Variants in RICTOR observed in about 807,000 individuals in gnomAD.
The protein encoded by RICTOR is RPTOR independent companion of MTOR complex 2.
A neutral mutation model predicts 214.9 loss-of-function variants in RICTOR; 49 were observed. The ratio of observed to expected loss-of-function variants is 0.23; its 90% CI spans 0.18 to 0.29. The LOEUF (loss-of-function observed/expected upper bound fraction) is 0.29, where lower values mean the gene tolerates loss of function less well. Ranked by LOEUF, RICTOR falls within the 10% of genes least tolerant of loss-of-function variation. The pLI, the probability that RICTOR is intolerant of heterozygous loss-of-function variation, is 1.00. For synonymous variants in RICTOR, 717 were observed against 711.3 expected (o/e 1.01, Z -0.13); for missense variants, 1,625 against 2,047.0 (o/e 0.79, Z 3.98).
At chr5:39,034,140 C>G (rs937949717) in intron 2 of RICTOR, among the ~76,000 whole-genome samples, 2 of 152,216 alleles carry the variant, frequency 1.3e-5, no homozygotes, top group Admixed American at 6.5e-5. Flanking sequence ...TACCAGGCCA[C>G]TTCTGCGATT....
Position 38,953,538 on chromosome 5 carries a change from GT to G in RICTOR, c.2712del (p.Glu904AspfsTer20). On this transcript the variant is annotated frameshift_variant, in exon 28 of 38. Coordinates refer to ENST00000357387, the MANE Select transcript of RICTOR (RefSeq NM_152756.5). LOFTEE classifies it high-confidence loss of function. The stretch of plus-strand genomic sequence containing the variant: ...TCTGGTGTACGAACATTACGACAGA[GT>G]TCTGTAATAATATTCTGGAGAAAGA... ...HLLEVQNIITELCRNVRTPDL... is the reference protein window; with the variant it reads ...HLLEVQNIITXLCRNVRTPDL... 1 of 1,358,080 alleles carries G rather than the reference GT, an allele frequency of 7.4e-7. No homozygotes were observed. Among genetic ancestry groups the G allele is most frequent in the Non-Finnish European group, 9.8e-7 (1 of 1,022,156 alleles). The allele number at this position is 1,358,080 out of a possible 1,614,324, so 84.1% of individuals were successfully genotyped here.
chr5:39,000,827 T>A (rs1186451212), intron 5 of RICTOR, among the ~76,000 whole-genome samples: 3 of 152,042 alleles, frequency 2.0e-5, no homozygotes, highest in East Asian at 1.9e-4. Context: ...CCAATTTTTT[T>A]ATATATTAGT....
chr5:38,954,638 ATGAATTTAAAAGCAATTACACCAC>A, intron 27 of RICTOR, 112 bp downstream of exon 27: 2 of 594,680 alleles, frequency 3.4e-6, no homozygotes, highest in Non-Finnish European at 6.0e-6. Flanking sequence ...TACAAAATAG[ATGAATTTAAAAGCAATTACACCAC>A]TGATATTAAA....
Position 39,053,849 on chromosome 5 carries a change from C to T in RICTOR, c.97+20262G>A, listed in dbSNP as rs1193729545. ...CGGAGCCTGCAGTGAGCCGAGATTGCGCCACTGCACTCCAGCCTGGGCGAC... is the reference window on the plus strand; with the variant it reads ...CGGAGCCTGCAGTGAGCCGAGATTGTGCCACTGCACTCCAGCCTGGGCGAC... On this transcript the variant is annotated intron_variant, in intron 2 of 37. Coordinates refer to ENST00000357387, the MANE Select transcript of RICTOR (RefSeq NM_152756.5). 6.6e-5 allele frequency among the ~76,000 whole-genome samples: 9 copies of T among 136,304 alleles called. 2 individuals are homozygous for T. The highest frequency in any genetic ancestry group is 2.4e-4 in the African/African-American group (8 of 33,132). 89.4% of individuals were successfully genotyped at this position (136,304 alleles called of 152,430 possible).
In RICTOR at chr5:39,039,189, A is replaced by G. The variant is rs537209049; in HGVS notation, c.98-18053T>C. 3.8e-3 allele frequency among the ~76,000 whole-genome samples: 578 copies of G among 152,312 alleles called. 6 individuals are homozygous for G. Among genetic ancestry groups the G allele is most frequent in the African/African-American group, 0.013 (551 of 41,556 alleles). ...TATCTACAATTATCTGATCTTTGAC[A>G]AACCTGACAAAAACAAGAAATGGGG... On this transcript the variant is annotated intron_variant, in intron 2 of 37. Coordinates refer to ENST00000357387, the MANE Select transcript of RICTOR (RefSeq NM_152756.5).
At chr5:39,063,550 G>A (rs185436336) in intron 2 of RICTOR, among the ~76,000 whole-genome samples, 1 of 151,998 alleles carries the variant, frequency 6.6e-6, no homozygotes, top group African/African-American at 2.4e-5. Flanking sequence ...CTTCCTTCTA[G>A]GTCATTCCTT....
chr5:39,052,100 G>A (rs186302149), intron 2 of RICTOR, among the ~76,000 whole-genome samples: 1 of 152,054 alleles, frequency 6.6e-6, no homozygotes, highest in African/African-American at 2.4e-5. Context: ...TAGGCCAGGC[G>A]TGGTGGCTCA....
At chr5:39,027,348 C>T (rs1755914725) in intron 2 of RICTOR, among the ~76,000 whole-genome samples, 1 of 151,896 alleles carries the variant, frequency 6.6e-6, no homozygotes, top group South Asian at 2.1e-4. Context: ...CTATATTTTA[C>T]TTCTCTAAAT....
intron 7 of RICTOR, among the ~76,000 whole-genome samples, chr5:38,990,635 CTG>C (rs1344615717): frequency 0.013 from 585 of 45,896 alleles, 93 homozygotes; most frequent in African/African-American, 0.044. Flanking sequence ...ATATATATAT[CTG>C]ACATATATCA....
chr5:38,966,108 CA>C (rs1009891875), intron 15 of RICTOR, among the ~76,000 whole-genome samples: 2 of 151,056 alleles, frequency 1.3e-5, no homozygotes, highest in Non-Finnish European at 3.0e-5. Context: ...AAAAGAAAAA[CA>C]AAAAAAACAA....
At chr5:39,018,822 C>G (rs548247539) in intron 3 of RICTOR, among the ~76,000 whole-genome samples, 8 of 152,270 alleles carry the variant, frequency 5.3e-5, no homozygotes, top group African/African-American at 1.9e-4. Flanking sequence ...CCATCTCTCA[C>G]TTTAAATCAC....
chr5:38,990,639 C>CATATATCAG lies in RICTOR; in HGVS notation c.583+301_583+309dup, dbSNP rs1752587139. Among the ~76,000 whole-genome samples the CATATATCAG allele has an allele frequency of 3.6e-5, 3 of 82,298 alleles. 1 individual carries two copies. Among genetic ancestry groups the CATATATCAG allele is most frequent in the African/African-American group, 9.3e-5 (2 of 21,620 alleles). The allele number at this position is 82,298 out of a possible 152,430, so 54.0% of individuals were successfully genotyped here. ...TACGATATATGATATATATATCTGA[C>CATATATCAG]ATATATCAGATATATGATATATATC... On this transcript the variant is annotated intron_variant, in intron 7 of 37. Transcript: ENST00000357387.
At chr5:39,067,335 G>C (rs538171362) in intron 2 of RICTOR, among the ~76,000 whole-genome samples, 9 of 152,216 alleles carry the variant, frequency 5.9e-5, no homozygotes, top group Middle Eastern at 3.4e-3. Context: ...GATCTTGCCA[G>C]AACTCACTAT....
chr5:39,036,767 G>C (rs1194801256), intron 2 of RICTOR, among the ~76,000 whole-genome samples: 3 of 152,082 alleles, frequency 2.0e-5, no homozygotes, highest in East Asian at 1.9e-4. Context: ...GAAGAGCTAA[G>C]TATCCTAAAT....
intron 7 of RICTOR, among the ~76,000 whole-genome samples, chr5:38,985,561 C>CAA (rs1752100725): frequency 6.6e-6 from 1 of 152,142 alleles, no homozygotes; most frequent in African/African-American, 2.4e-5. Context: ...CTATAGCTGC[C>CAA]AAAATCCCTG....
intron 6 of RICTOR, among the ~76,000 whole-genome samples, chr5:38,995,554 A>G (rs1753118619): frequency 6.6e-6 from 1 of 152,108 alleles, no homozygotes; most frequent in Non-Finnish European, 1.5e-5. Context: ...TACCCCAAAA[A>G]TTATTGAAAA....
rs147975559 is a variant in RICTOR, at chr5:39,060,458, T to C, written c.97+13653A>G. Among the ~76,000 whole-genome samples, 237 of 152,070 alleles carry C rather than the reference T, an allele frequency of 1.6e-3. 2 individuals are homozygous for C. The highest frequency in any genetic ancestry group is 5.5e-3 in the African/African-American group (228 of 41,530). ...TAGGGATAATAACTGCATTGTAAAG[T>C]GACAGCTGAAAGAAACGTAGAAGCA... On this transcript the variant is annotated intron_variant, in intron 2 of 37. Coordinates refer to ENST00000357387, the MANE Select transcript of RICTOR (RefSeq NM_152756.5).
intron 6 of RICTOR, among the ~76,000 whole-genome samples, chr5:38,991,514 T>A (rs561162783): frequency 7.4e-6 from 1 of 134,620 alleles, no homozygotes; most frequent in Non-Finnish European, 1.6e-5. Context: ...AACATCTTTA[T>A]CTCTACTCCC....
intron 32 of RICTOR, among the ~76,000 whole-genome samples, chr5:38,946,917 G>A (rs1472118925): frequency 4.0e-5 from 6 of 151,806 alleles, no homozygotes; most frequent in African/African-American, 1.5e-4. Flanking sequence ...GGGATAAATA[G>A]GAATGAGGAT....
Sources: allele counts gnomAD v4.1 joint callset (sites outside exome capture counted in the v4.1 genomes callset), GRCh38; gene constraint gnomAD v4.1.1; transcripts MANE v1.5; gene names NCBI Gene and HGNC (gene_info 2026-07-23, HGNC 2026-07-21).